ENOX2: variants seen among roughly 807,000 people sequenced by gnomAD.
ENOX2 encodes ecto-NOX disulfide-thiol exchanger 2, also known as APK1 antigen.
Under a neutral mutation model 45.0 loss-of-function variants are expected in ENOX2, and 36 were observed. The observed-to-expected ratio is 0.80, with a 90% CI of 0.61 to 1.06. The LOEUF (loss-of-function observed/expected upper bound fraction) is 1.06, where lower values mean the gene tolerates loss of function less well. Among genes scored for constraint, ENOX2 ranks in the 50% least tolerant of loss-of-function variants. The pLI is 0.00. For missense variants in ENOX2, 423 were observed against 462.5 expected (o/e 0.91, Z 0.78); for synonymous variants, 174 against 152.3 (o/e 1.14, Z -1.05).
chrX:130,854,794 C>A (rs1329341686), intron 2 of ENOX2, among the ~76,000 whole-genome samples: 1 of 111,688 alleles, frequency 9.0e-6, no homozygotes, highest in East Asian at 2.8e-4. Flanking sequence ...ATGGAATTCA[C>A]CACATTAGCA....
intron 2 of ENOX2, among the ~76,000 whole-genome samples, chrX:130,889,703 C>T (rs1348003573): frequency 8.9e-6 from 1 of 112,389 alleles, no homozygotes; most frequent in East Asian, 2.8e-4. Context: ...ATAAAAAGTG[C>T]TTGTCTTTTG....
At position 130,859,169 on chromosome X, in the gene ENOX2, A is replaced by C. The variant is rs181954623; in HGVS notation, c.-183+42515T>G. Among the ~76,000 whole-genome samples, 15 of 111,849 alleles carry C rather than the reference A, an allele frequency of 1.3e-4. No individual in the cohort carries two copies. The East Asian group carries it at 4.0e-3, about 30-fold the overall frequency. ...AAACCCAGTTCTCTACTAAAAATAC[A>C]AAAATTAGCCAGGTATGGTGGTGTG... is the stretch of plus-strand genomic sequence containing the variant. On this transcript the variant is annotated intron_variant, in intron 2 of 14. Transcript: ENST00000394363.
chrX:130,814,406 C>G (rs768967993), intron 2 of ENOX2, among the ~76,000 whole-genome samples: 2 of 112,415 alleles, frequency 1.8e-5, no homozygotes, highest in East Asian at 5.7e-4. Flanking sequence ...AAGAGACAGA[C>G]TGCCTCCTCA....
At chrX:130,842,288 TCAGA>T (rs1445386661) in intron 2 of ENOX2, among the ~76,000 whole-genome samples, 1 of 112,864 alleles carries the variant, frequency 8.9e-6, no homozygotes, top group Non-Finnish European at 1.9e-5. Flanking sequence ...TTTATTAATA[TCAGA>T]CAGAAGCACT....
At chrX:130,642,667 C>T (rs182317367) in intron 10 of ENOX2, among the ~76,000 whole-genome samples, 6 of 111,977 alleles carry the variant, frequency 5.4e-5, no homozygotes, top group East Asian at 5.6e-4. Flanking sequence ...GTCACATCAA[C>T]CTTCAGCAAC....
Position 130,814,773 on chromosome X carries a change from A to C in ENOX2, c.-182-31083T>G, listed in dbSNP as rs761472278. Among the ~76,000 whole-genome samples the C allele has an allele frequency of 2.4e-4, 27 of 111,973 alleles. 1 individual carries two copies. Among genetic ancestry groups the C allele is most frequent in the African/African-American group, 8.8e-4 (27 of 30,815 alleles). ...AACATCAAAGATCAAAGGTAGATAA[A>C]TCCACGAAGATGAGGAAAAACCAGT... On this transcript the variant is annotated intron_variant, in intron 2 of 14. Transcript: ENST00000394363.
intron 2 of ENOX2, among the ~76,000 whole-genome samples, chrX:130,791,596 C>A (rs1003290848): frequency 8.9e-6 from 1 of 111,792 alleles, no homozygotes; most frequent in African/African-American, 3.3e-5. Flanking sequence ...ATTTTCAACG[C>A]GCTTATCAGA....
At position 130,731,250 on chromosome X, in the gene ENOX2, A is replaced by C. The variant is rs73635944; in HGVS notation, c.-38-27996T>G. Among the ~76,000 whole-genome samples the C allele has an allele frequency of 3.9e-3, 433 of 112,096 alleles. 3 individuals are homozygous for C. The highest frequency in any genetic ancestry group is 0.014 in the African/African-American group (417 of 30,875). On this transcript the variant is annotated intron_variant, in intron 3 of 14. Transcript: ENST00000394363. ...AGGACTAAGTAAAATAAGGTGCATA[A>C]AGTTTACGGTACATAGCAAAAACTC...
intron 3 of ENOX2, among the ~76,000 whole-genome samples, chrX:130,745,260 T>TCTGATTTC (rs2148323698): frequency 8.9e-6 from 1 of 112,368 alleles, no homozygotes; most frequent in East Asian, 2.8e-4. Flanking sequence ...CACAGGTATT[T>TCTGATTTC]CTGCTTCATA....
intron 2 of ENOX2, among the ~76,000 whole-genome samples, chrX:130,885,788 C>A (rs1418219438): frequency 1.8e-5 from 2 of 112,266 alleles, no homozygotes; most frequent in Non-Finnish European, 3.8e-5. Flanking sequence ...AACACTGGTC[C>A]ATGAGAAATC....
rs181513829 is a variant in ENOX2, at chrX:130,750,954, C to G, written c.-39+32593G>C. On this transcript the variant is annotated intron_variant, in intron 3 of 14. Transcript: ENST00000394363. ...AAGTGTCCCTCTCTCTGCCTGCCTA[C>G]CTGTCTGGGTATCTGTCTGTCTGTG... 2.7e-5 allele frequency among the ~76,000 whole-genome samples: 3 copies of G among 111,402 alleles called. No individual in the cohort carries two copies. In the Admixed American group the frequency reaches 2.9e-4, roughly 11 times the overall value.
chrX:130,626,995 T>C (rs1339610706), intron 14 of ENOX2, among the ~76,000 whole-genome samples: 1 of 111,337 alleles, frequency 9.0e-6, no homozygotes, highest in Non-Finnish European at 1.9e-5. Flanking sequence ...TCCTGCATCT[T>C]AGAGGCATCC....
intron 4 of ENOX2, 41 bp downstream of exon 4, chrX:130,703,078 CA>C (rs1196668271): frequency 8.6e-7 from 1 of 1,160,453 alleles, no homozygotes; most frequent in African/African-American, 1.8e-5. Flanking sequence ...ACCACATGGT[CA>C]ATAAAAATAA....
At chrX:130,652,633 C>G (rs2036435020) in intron 10 of ENOX2, among the ~76,000 whole-genome samples, 1 of 112,271 alleles carries the variant, frequency 8.9e-6, no homozygotes, top group Non-Finnish European at 1.9e-5. Context: ...TATGTTGAAG[C>G]TCTCAGAATC....
At chrX:130,716,103 C>T (rs900612601) in intron 3 of ENOX2, among the ~76,000 whole-genome samples, 2 of 110,934 alleles carry the variant, frequency 1.8e-5, no homozygotes, top group African/African-American at 6.6e-5. Flanking sequence ...TAGATTGGTG[C>T]AAAAGTAATT....
intron 2 of ENOX2, among the ~76,000 whole-genome samples, chrX:130,866,577 TGCTGGTCATCATGCTTGGAAA>T (rs1444531983): frequency 9.0e-6 from 1 of 111,598 alleles, no homozygotes; most frequent in East Asian, 2.8e-4. Context: ...ACTCTGCTCA[TGCTGGTCATCATGCTTGGAAA>T]GCTTGGCAAG....
At chrX:130,849,262 A>G (rs764397339) in intron 2 of ENOX2, among the ~76,000 whole-genome samples, 1 of 112,741 alleles carries the variant, frequency 8.9e-6, no homozygotes, top group Non-Finnish European at 1.9e-5. Flanking sequence ...TAGCTAGTTA[A>G]GTTAGTTAAG....
chrX:130,691,297 A>G (rs2037590319), intron 4 of ENOX2, among the ~76,000 whole-genome samples: 1 of 111,880 alleles, frequency 8.9e-6, no homozygotes, highest in Non-Finnish European at 1.9e-5. Context: ...CGTGAGAGAT[A>G]GTACTGATAG....
At chrX:130,763,738 G>T (rs2039548575) in intron 3 of ENOX2, among the ~76,000 whole-genome samples, 1 of 110,995 alleles carries the variant, frequency 9.0e-6, no homozygotes, top group Non-Finnish European at 1.9e-5. Context: ...TTCCAGCTTG[G>T]TACTTTGCCT....
Sources: gnomAD v4.1 joint callset for allele counts (sites outside exome capture counted in the v4.1 genomes callset) on GRCh38, gnomAD v4.1.1 for gene constraint, MANE v1.5 for transcripts, NCBI Gene and HGNC (gene_info 2026-07-23, HGNC 2026-07-21) for gene names.